MECOM: variants seen among roughly 807,000 people sequenced by gnomAD.
MECOM encodes histone-lysine N-methyltransferase MECOM.
In MECOM, 13 loss-of-function variants were observed where a neutral mutation model predicts 116.3. The observed-to-expected ratio is 0.11, with a 90% CI of 0.07 to 0.18. The LOEUF is 0.18. MECOM is among the 10% of genes least tolerant of loss of function. The probability of loss-of-function intolerance (pLI) is 1.00; values close to 1 mark genes in which losing one functional copy is unlikely to be tolerated. For synonymous variants in MECOM, 528 were observed against 535.2 expected, an observed-to-expected ratio of 0.99 and a Z score of 0.19; for missense variants, 1,299 against 1,509.0, an observed-to-expected ratio of 0.86 and a Z score of 2.31.
At chr3:169,621,065 C>T (rs1212060255) in intron 1 of MECOM, among the ~76,000 whole-genome samples, 2 of 152,106 alleles carry the variant, frequency 1.3e-5, no homozygotes, top group Non-Finnish European at 2.9e-5. Flanking sequence ...CTCCAATTTC[C>T]CTTGCAGCTT....
intron 3 of MECOM, among the ~76,000 whole-genome samples, chr3:169,142,830 T>A (rs1738547419): frequency 6.6e-6 from 1 of 151,976 alleles, no homozygotes; most frequent in Admixed American, 6.6e-5. Context: ...GATGGTGATT[T>A]CATAGTAGAT....
At chr3:169,200,577 C>T (rs1749013743) in intron 2 of MECOM, among the ~76,000 whole-genome samples, 1 of 152,020 alleles carries the variant, frequency 6.6e-6, no homozygotes, top group Non-Finnish European at 1.5e-5. Context: ...TTTAGGCAGA[C>T]ATAATGCCGA....
intron 1 of MECOM, among the ~76,000 whole-genome samples, chr3:169,542,430 A>G (rs1760200461): frequency 6.6e-6 from 1 of 151,940 alleles, no homozygotes; most frequent in South Asian, 2.1e-4. Context: ...TGCCCTGGGG[A>G]TTTAGTTGGC....
intron 2 of MECOM, among the ~76,000 whole-genome samples, chr3:169,332,594 G>A (rs1464923229): frequency 1.3e-5 from 2 of 152,040 alleles, no homozygotes; most frequent in East Asian, 1.9e-4. Flanking sequence ...AAATACAATC[G>A]ACTTTACTAC....
chr3:169,134,036 C>T (rs1354569872), intron 3 of MECOM: 13 of 944,214 alleles, frequency 1.4e-5, no homozygotes, highest in Non-Finnish European at 1.9e-5. Flanking sequence ...GTTAAAGAGA[C>T]AATACCCTAC....
chr3:169,293,242 T>A (rs941527189), intron 2 of MECOM, among the ~76,000 whole-genome samples: 6 of 152,116 alleles, frequency 3.9e-5, no homozygotes, highest in Non-Finnish European at 5.9e-5. Context: ...TAACTCACCT[T>A]CATGGTTTCA....
At chr3:169,125,774 G>A (rs1357731689) in intron 5 of MECOM, among the ~76,000 whole-genome samples, 1 of 152,080 alleles carries the variant, frequency 6.6e-6, no homozygotes, top group Admixed American at 6.6e-5. Flanking sequence ...AGACTTTTGA[G>A]TTCTTTTCAG....
intron 2 of MECOM, among the ~76,000 whole-genome samples, chr3:169,219,723 A>G (rs1202601830): frequency 6.6e-6 from 1 of 151,448 alleles, no homozygotes; most frequent in East Asian, 1.9e-4. Flanking sequence ...ATCCACTGTC[A>G]TCATAAATTT....
At chr3:169,397,933 T>C (rs551271922) in intron 1 of MECOM, among the ~76,000 whole-genome samples, 83 of 152,346 alleles carry the variant, frequency 5.4e-4, no homozygotes, top group African/African-American at 1.8e-3. Context: ...TTCCAGCCTT[T>C]GTTCCAAGCC....
intron 14 of MECOM, among the ~76,000 whole-genome samples, chr3:169,091,206 A>G (rs1274114029): frequency 6.6e-6 from 1 of 152,174 alleles, no homozygotes. Context: ...AAGAAAAAGT[A>G]AAAGAACAAA....
chr3:169,353,811 T>G (rs1726796185), intron 2 of MECOM, among the ~76,000 whole-genome samples: 1 of 151,922 alleles, frequency 6.6e-6, no homozygotes, highest in African/African-American at 2.4e-5. Context: ...ACTGACATGT[T>G]GTGAAGCTAG....
chr3:169,508,410 CA>C (rs60226399), intron 1 of MECOM, among the ~76,000 whole-genome samples: 115 of 140,980 alleles, frequency 8.2e-4, no homozygotes, highest in South Asian at 1.1e-3. Flanking sequence ...GGTGGGAGTG[CA>C]AAAAAAAAAA....
chr3:169,354,845 GAC>G (rs1181015526), intron 2 of MECOM, among the ~76,000 whole-genome samples: 1 of 151,772 alleles, frequency 6.6e-6, no homozygotes, highest in Non-Finnish European at 1.5e-5. Context: ...AGCCCCAGGA[GAC>G]ACACAATTAC....
intron 1 of MECOM, among the ~76,000 whole-genome samples, chr3:169,591,452 C>T (rs1460248966): frequency 5.3e-5 from 8 of 152,044 alleles, no homozygotes; most frequent in South Asian, 2.1e-4. Context: ...TGCACCAAGC[C>T]GAGAGAGAAA....
At chr3:169,225,577 T>C (rs1752631368) in intron 2 of MECOM, among the ~76,000 whole-genome samples, 1 of 152,206 alleles carries the variant, frequency 6.6e-6, no homozygotes, top group South Asian at 2.1e-4. Context: ...CTGACAAAGA[T>C]GAAATATTAG....
intron 6 of MECOM, 82 bp from the exon 7 acceptor site, chr3:169,121,291 ATT>A: frequency 7.3e-7 from 1 of 1,373,174 alleles, no homozygotes; most frequent in Non-Finnish European, 9.7e-7. Flanking sequence ...TCAAGAAGAA[ATT>A]TTTCTTATTT....
chr3:169,102,247 A>G (rs199633621), intron 10 of MECOM, 21 bp from the exon 11 acceptor site: 9 of 1,594,314 alleles, frequency 5.6e-6, no homozygotes, highest in African/African-American at 2.7e-5. Context: ...AAAGCACAAG[A>G]CCATGAAGCG....
intron 2 of MECOM, among the ~76,000 whole-genome samples, chr3:169,187,225 TAA>T (rs1746900112): frequency 1.3e-5 from 2 of 152,084 alleles, no homozygotes; most frequent in South Asian, 4.1e-4. Context: ...TTGCAGATTT[TAA>T]GAGTCTCTTC....
chr3:169,097,817 TAAAAAAAAA>T (rs539873617), intron 12 of MECOM, among the ~76,000 whole-genome samples: 7 of 87,216 alleles, frequency 8.0e-5, no homozygotes, highest in Admixed American at 3.6e-4. Flanking sequence ...ACTGTCTATA[TAAAAAAAAA>T]AAAAAAAAAA....
Sources: allele counts gnomAD v4.1 joint callset (sites outside exome capture counted in the v4.1 genomes callset), GRCh38; gene constraint gnomAD v4.1.1; transcripts MANE v1.5; gene names NCBI Gene and HGNC (gene_info 2026-07-23, HGNC 2026-07-21).